Variants in IPO11 observed in about 807,000 individuals in gnomAD.
IPO11 encodes the protein importin-11.
Under a neutral mutation model 143.2 loss-of-function variants are expected in IPO11, and 66 were observed. The ratio of observed to expected loss-of-function variants is 0.46; its 90% CI spans 0.38 to 0.57. The LOEUF (loss-of-function observed/expected upper bound fraction) is 0.57, where lower values mean the gene tolerates loss of function less well. Ranked by LOEUF, IPO11 falls within the 20% of genes least tolerant of loss-of-function variation. The pLI is 0.00. For synonymous variants in IPO11, 385 were observed against 377.8 expected (o/e 1.02, Z -0.22); for missense variants, 1,026 against 1,141.0 (o/e 0.90, Z 1.45).
intron 16 of IPO11, among the ~76,000 whole-genome samples, chr5:62,500,909 G>A (rs1394536678): frequency 6.6e-6 from 1 of 152,176 alleles, no homozygotes; most frequent in Non-Finnish European, 1.5e-5. Flanking sequence ...ACATCACTAT[G>A]TGATGGGAAT....
chr5:62,430,381 G>T (rs1743937566), intron 1 of IPO11, among the ~76,000 whole-genome samples: 1 of 152,012 alleles, frequency 6.6e-6, no homozygotes, highest in African/African-American at 2.4e-5. Context: ...TTATCTTTTT[G>T]ATTATAGCAG....
At chr5:62,418,219 G>A (rs763607945) in intron 1 of IPO11, among the ~76,000 whole-genome samples, 14 of 151,458 alleles carry the variant, frequency 9.2e-5, no homozygotes, top group Admixed American at 7.9e-4. Flanking sequence ...AAGCTGGAGT[G>A]CAGTGGCACC....
chr5:62,435,060 AT>A (rs1412071725), intron 1 of IPO11, among the ~76,000 whole-genome samples: 2 of 111,322 alleles, frequency 1.8e-5, no homozygotes, highest in Admixed American at 9.2e-5. Context: ...GTATATATAT[AT>A]GTATATATAT....
intron 27 of IPO11, among the ~76,000 whole-genome samples, chr5:62,589,577 A>G (rs1185931747): frequency 2.6e-5 from 4 of 152,054 alleles, no homozygotes; most frequent in Admixed American, 6.6e-5. Context: ...CTTTATTCCC[A>G]TGTCCACCAA....
chr5:62,429,780 C>T (rs1240509213), intron 1 of IPO11, among the ~76,000 whole-genome samples: 1 of 152,138 alleles, frequency 6.6e-6, no homozygotes, highest in Non-Finnish European at 1.5e-5. Context: ...TGTGCCACCA[C>T]ACCCAGCTAA....
At chr5:62,609,885 C>T (rs550626948) in intron 29 of IPO11, among the ~76,000 whole-genome samples, 4 of 152,356 alleles carry the variant, frequency 2.6e-5, no homozygotes, top group African/African-American at 7.2e-5. Context: ...CCAGGTGCTA[C>T]AGCAAATATG....
chr5:62,587,478 G>C (rs1744839449), intron 27 of IPO11, among the ~76,000 whole-genome samples: 2 of 151,682 alleles, frequency 1.3e-5, no homozygotes, highest in South Asian at 4.2e-4. Flanking sequence ...ATCTATAGGG[G>C]AAAACTTTTT....
At chr5:62,465,183 A>G (rs1745525766) in intron 5 of IPO11, among the ~76,000 whole-genome samples, 1 of 152,216 alleles carries the variant, frequency 6.6e-6, no homozygotes, top group African/African-American at 2.4e-5. Flanking sequence ...TTCTGCGTCT[A>G]AATCCTTCTG....
At chr5:62,450,026 T>C in intron 4 of IPO11, 27 bp downstream of exon 4, 1 of 1,493,010 alleles carries the variant, frequency 6.7e-7, no homozygotes. Context: ...TGCTAATTTT[T>C]CTTTTTATTT....
At chr5:62,522,331 C>T (rs1196482423) in intron 20 of IPO11, among the ~76,000 whole-genome samples, 1 of 151,038 alleles carries the variant, frequency 6.6e-6, no homozygotes, top group Non-Finnish European at 1.5e-5. Flanking sequence ...GTTGCCCAGG[C>T]TGGAGTGCAG....
Position 62,494,043 on chromosome 5 carries a change from G to A in IPO11, c.1509G>A (p.Trp503Ter). Residue 503 changes from tryptophan to a stop codon, truncating the protein, a stop_gained, in exon 16 of 30, where the codon TGG becomes TGA. Coordinates refer to ENST00000325324, the MANE Select transcript of IPO11 (RefSeq NM_016338.5). LOFTEE classifies it high-confidence loss of function. ...RRRVIWLIGQ[W>*]ISVKFKSDLR... ...GGGTGATTTGGCTCATCGGTCAGTGGATTTCTGTGAAATTCAAGTCTGACT... is the reference window on the plus strand; with the variant it reads ...GGGTGATTTGGCTCATCGGTCAGTGAATTTCTGTGAAATTCAAGTCTGACT... 1.2e-6 allele frequency: 2 copies of A among 1,613,074 alleles called. No individual in the cohort carries two copies. Among genetic ancestry groups the A allele is most frequent in the Non-Finnish European group, 1.7e-6 (2 of 1,179,410 alleles).
chr5:62,547,479 A>ATGT (rs1191121334), intron 24 of IPO11, among the ~76,000 whole-genome samples: 1 of 152,048 alleles, frequency 6.6e-6, no homozygotes, highest in Non-Finnish European at 1.5e-5. Flanking sequence ...GCTTTTCTAT[A>ATGT]TGTTGCCAGT....
chr5:62,531,338 A>G (rs1226562702), intron 22 of IPO11, among the ~76,000 whole-genome samples: 2 of 151,740 alleles, frequency 1.3e-5, no homozygotes, highest in African/African-American at 2.4e-5. Flanking sequence ...TCATCTGGCT[A>G]TTTTTTTCTT....
intron 29 of IPO11, among the ~76,000 whole-genome samples, chr5:62,602,561 A>C (rs1218415243): frequency 6.6e-6 from 1 of 151,710 alleles, no homozygotes; most frequent in Non-Finnish European, 1.5e-5. Flanking sequence ...GATAGAATAA[A>C]TAATTAAAAT....
chr5:62,437,318 G>A lies in IPO11; in HGVS notation c.39G>A (p.Val13=). ...LNSASTVVLQ[V]LTQATSQDTA... ...GTGCCAGCACTGTTGTTCTTCAGGT[G>A]TTAACACAGGCCACCAGTCAGGATA... Residue 13 remains valine, a synonymous_variant, in exon 2 of 30, where the codon GTG becomes GTA. Coordinates refer to ENST00000325324, the MANE Select transcript of IPO11 (RefSeq NM_016338.5). The A allele has an allele frequency of 6.2e-7, 1 of 1,612,008 alleles. No homozygotes were observed. Among genetic ancestry groups the A allele is most frequent in the Non-Finnish European group, 8.5e-7 (1 of 1,178,804 alleles).
At chr5:62,422,014 AATTATAGTCTGTT>A (rs1290645319) in intron 1 of IPO11, among the ~76,000 whole-genome samples, 67 of 152,358 alleles carry the variant, frequency 4.4e-4, no homozygotes, top group African/African-American at 1.6e-3. Flanking sequence ...GCTAGTTATA[AATTATAGTCTGTT>A]AAATTTAATC....
intron 15 of IPO11, among the ~76,000 whole-genome samples, chr5:62,492,453 G>A (rs1433819574): frequency 6.6e-6 from 1 of 152,082 alleles, no homozygotes; most frequent in African/African-American, 2.4e-5. Flanking sequence ...TAAAGTCCTA[G>A]TACACTACTT....
In IPO11 at chr5:62,526,237, G is replaced by T; in HGVS notation, c.1992G>T (p.Leu664=). ...DVSQPPHVYL[L]EDGLELWLVT... ...CACAGCCTCCACATGTTTATCTTCT[G>T]GAAGATGGTTTAGAATTATGGTAAG... The change falls in exon 21 of 30, where the codon CTG becomes CTT. Residue 664 remains leucine, a synonymous_variant. Coordinates refer to ENST00000325324, the MANE Select transcript of IPO11 (RefSeq NM_016338.5). 1.2e-6 allele frequency: 2 copies of T among 1,610,936 alleles called. No homozygotes were observed. The highest frequency in any genetic ancestry group is 1.7e-6 in the Non-Finnish European group (2 of 1,177,332).
rs754796298 is a variant in IPO11 at position 62,489,293 on chromosome 5, AT to A, written c.1310-3del. 6 of 1,499,590 alleles carry A rather than the reference AT, an allele frequency of 4.0e-6. No homozygotes were observed. The highest frequency in any genetic ancestry group is 4.9e-5 in the East Asian group (2 of 41,216). 92.9% of individuals were successfully genotyped at this position (1,499,590 alleles called of 1,614,324 possible). On this transcript the variant is annotated splice_polypyrimidine_tract_variant and splice_region_variant and intron_variant, in intron 13 of 29. Transcript: ENST00000325324. ...TTTACTGATACCTATTTATATATAT[AT>A]TTTTTAGGACCCACAAATGTGGAAG...
Sources: allele counts gnomAD v4.1 joint callset (sites outside exome capture counted in the v4.1 genomes callset), GRCh38; gene constraint gnomAD v4.1.1; transcripts MANE v1.5; gene names NCBI Gene and HGNC (gene_info 2026-07-23, HGNC 2026-07-21).